Variants in MYO16 observed in about 807,000 individuals in gnomAD.
The protein encoded by MYO16 is unconventional myosin-XVI.
A neutral mutation model predicts 205.3 loss-of-function variants in MYO16; 94 were observed. The observed-to-expected ratio is 0.46, with a 90% CI of 0.39 to 0.54. The LOEUF (loss-of-function observed/expected upper bound fraction) is 0.54, where lower values mean the gene tolerates loss of function less well. Among genes scored for constraint, MYO16 ranks in the 20% least tolerant of loss-of-function variants. The pLI is 0.00. For synonymous variants in MYO16, 988 were observed against 954.0 expected (o/e 1.04, Z -0.66); for missense variants, 2,315 against 2,387.5 (o/e 0.97, Z 0.63).
intron 14 of MYO16, among the ~76,000 whole-genome samples, chr13:108,889,284 C>T (rs965534068): frequency 1.3e-5 from 2 of 152,122 alleles, no homozygotes; most frequent in South Asian, 2.1e-4. Flanking sequence ...TTAACTGTCC[C>T]GCTAATTCAT....
At chr13:108,840,008 TC>T (rs1326936456) in intron 9 of MYO16, among the ~76,000 whole-genome samples, 2 of 152,334 alleles carry the variant, frequency 1.3e-5, no homozygotes, top group Admixed American at 1.3e-4. Context: ...ATGTTATTAA[TC>T]CTTCACTATA....
intron 1 of MYO16, among the ~76,000 whole-genome samples, chr13:108,641,825 T>G (rs994872894): frequency 6.6e-6 from 1 of 152,190 alleles, no homozygotes; most frequent in African/African-American, 2.4e-5. Flanking sequence ...GCACATCACC[T>G]GTGATGTACC....
chr13:108,591,293 A>G (rs1878392089), upstream of MYO16, among the ~76,000 whole-genome samples: 1 of 152,206 alleles, frequency 6.6e-6, no homozygotes, highest in Non-Finnish European at 1.5e-5. Flanking sequence ...TAATTTGTAA[A>G]ATGTGTAAGA....
intron 28 of MYO16, 49 bp from the exon 29 acceptor site, chr13:109,120,321 T>C (rs1262634157): frequency 7.8e-7 from 1 of 1,276,478 alleles, no homozygotes. Context: ...TCCATCATCA[T>C]TTTGGTATCT....
chr13:109,138,454 A>C (rs1876878795), intron 31 of MYO16, among the ~76,000 whole-genome samples: 1 of 152,192 alleles, frequency 6.6e-6, no homozygotes, highest in African/African-American at 2.4e-5. Flanking sequence ...TAAAAGCATT[A>C]GAAAAAGAAG....
chr13:109,183,819 A>G (rs1879559660), intron 34 of MYO16, among the ~76,000 whole-genome samples: 1 of 152,220 alleles, frequency 6.6e-6, no homozygotes, highest in African/African-American at 2.4e-5. Flanking sequence ...CAAGATCTTA[A>G]TAAATATCCA....
At chr13:108,623,362 T>C (rs1478261235) in intron 1 of MYO16, among the ~76,000 whole-genome samples, 1 of 152,212 alleles carries the variant, frequency 6.6e-6, no homozygotes, top group Admixed American at 6.5e-5. Context: ...TATTGTTAAA[T>C]TTTGGGAACC....
At chr13:108,541,546 A>G in the MYO16 span, among the ~76,000 whole-genome samples, 1 of 152,020 alleles carries the variant, frequency 6.6e-6, no homozygotes, top group South Asian at 2.1e-4. Context: ...TTTAAAGATT[A>G]TGGGTCCAGC....
At chr13:108,869,781 T>G (rs1265513346) in intron 12 of MYO16, among the ~76,000 whole-genome samples, 1 of 135,968 alleles carries the variant, frequency 7.4e-6, no homozygotes, top group South Asian at 2.2e-4. Flanking sequence ...ATAAAAAATC[T>G]TACCTTAAAC....
At chr13:109,005,340 T>C (rs1404061298) in intron 21 of MYO16, among the ~76,000 whole-genome samples, 1 of 152,102 alleles carries the variant, frequency 6.6e-6, no homozygotes, top group East Asian at 1.9e-4. Flanking sequence ...TCTTTTACCA[T>C]GAAGGCAGAG....
At chr13:108,628,790 G>T (rs77012422), upstream of MYO16, among the ~76,000 whole-genome samples, 5,212 of 152,178 alleles carry the variant, frequency 0.034, 131 homozygotes, top group South Asian at 0.13. Context: ...TTAACATATT[G>T]TTCATGTTTA....
intron 20 of MYO16, among the ~76,000 whole-genome samples, chr13:108,991,128 T>G (rs908957211): frequency 5.3e-5 from 8 of 152,258 alleles, no homozygotes; most frequent in Non-Finnish European, 1.2e-4. Flanking sequence ...TACGTGCCCC[T>G]CCCAGAAATT....
At chr13:108,874,925 C>T (rs972237036) in intron 12 of MYO16, among the ~76,000 whole-genome samples, 2 of 152,020 alleles carry the variant, frequency 1.3e-5, no homozygotes, top group Admixed American at 6.6e-5. Context: ...TTTCTAGGCT[C>T]GCCAGAGATG....
At chr13:108,723,068 A>C (rs56404670) in intron 3 of MYO16, among the ~76,000 whole-genome samples, 1 of 151,410 alleles carries the variant, frequency 6.6e-6, no homozygotes, top group Non-Finnish European at 1.5e-5. Context: ...GTTGTTGTAC[A>C]CTCTTGAGAC....
At chr13:108,603,391 G>A (rs936798001) in intron 1 of MYO16, among the ~76,000 whole-genome samples, 4 of 152,138 alleles carry the variant, frequency 2.6e-5, no homozygotes, top group Non-Finnish European at 1.5e-5. Context: ...TTGAACCAAA[G>A]TTGGGAAAAA....
rs896922866 is a variant in MYO16 at position 108,873,955 on chromosome 13, A to T, written c.1425+7713A>T. ...GGCTTTACAAAAAAGCAACCTTAAA[A>T]TCAGAAACAAAAATGCATCATCAAG... On this transcript the variant is annotated intron_variant, in intron 12 of 34. Transcript: ENST00000457511. 8.5e-5 allele frequency among the ~76,000 whole-genome samples: 13 copies of T among 152,382 alleles called. No individual in the cohort carries two copies. In the East Asian group the frequency reaches 2.5e-3, roughly 29 times the overall value.
intron 24 of MYO16, among the ~76,000 whole-genome samples, chr13:109,051,575 A>T (rs1887247911): frequency 6.6e-6 from 1 of 152,066 alleles, no homozygotes; most frequent in South Asian, 2.1e-4. Context: ...ACCGCCACAT[A>T]CATTGTTTTC....
intron 6 of MYO16, among the ~76,000 whole-genome samples, chr13:108,796,218 G>A (rs1393743862): frequency 6.6e-6 from 1 of 152,166 alleles, no homozygotes; most frequent in Non-Finnish European, 1.5e-5. Flanking sequence ...CGTTTTAAAA[G>A]GATCACCTAC....
At chr13:109,063,169 T>C in intron 27 of MYO16, among the ~76,000 whole-genome samples, 1 of 152,196 alleles carries the variant, frequency 6.6e-6, no homozygotes, top group Non-Finnish European at 1.5e-5. Context: ...ATTTGCATCA[T>C]GGTATCTTGG....
Sources: allele counts gnomAD v4.1 joint callset (sites outside exome capture counted in the v4.1 genomes callset), GRCh38; gene constraint gnomAD v4.1.1; transcripts MANE v1.5; gene names NCBI Gene and HGNC (gene_info 2026-07-23, HGNC 2026-07-21).